The following RCAN2 variants were observed in gnomAD, a reference collection of about 807,000 sequenced individuals.
RCAN2 encodes regulator of calcineurin 2.
Under a neutral mutation model 23.6 loss-of-function variants are expected in RCAN2, and 9 were observed. That is an observed-to-expected ratio of 0.38 (90% CI 0.23 to 0.67). The LOEUF (loss-of-function observed/expected upper bound fraction) is 0.67, where lower values mean the gene tolerates loss of function less well. Among genes scored for constraint, RCAN2 ranks in the 30% least tolerant of loss-of-function variants. The pLI is 0.51. For missense variants in RCAN2, 273 were observed against 302.3 expected (o/e 0.90, Z 0.72); for synonymous variants, 109 against 115.7 (o/e 0.94, Z 0.37).
chr6:46,227,088 T>C (rs1200193195), intron 4 of RCAN2, among the ~76,000 whole-genome samples: 1 of 152,236 alleles, frequency 6.6e-6, no homozygotes, highest in Admixed American at 6.5e-5. Context: ...ATGGATTATG[T>C]TTATTGATTT....
intron 2 of RCAN2, among the ~76,000 whole-genome samples, chr6:46,285,546 C>T (rs1341279119): frequency 6.6e-6 from 1 of 152,184 alleles, no homozygotes; most frequent in African/African-American, 2.4e-5. Flanking sequence ...AGAAAGACCT[C>T]TCTAGTAGGT....
chr6:46,361,251 A>T, intron 2 of RCAN2, among the ~76,000 whole-genome samples: 1 of 152,290 alleles, frequency 6.6e-6, no homozygotes, highest in East Asian at 1.9e-4. Context: ...ATGTAATGAG[A>T]CCAGAAATCA....
At chr6:46,354,523 T>G (rs912970023) in intron 2 of RCAN2, among the ~76,000 whole-genome samples, 8 of 152,184 alleles carry the variant, frequency 5.3e-5, no homozygotes, top group African/African-American at 1.9e-4. Flanking sequence ...TGTATTGCCT[T>G]TGCAACTTCC....
At chr6:46,341,269 C>G (rs1472216997) in intron 2 of RCAN2, among the ~76,000 whole-genome samples, 1 of 152,146 alleles carries the variant, frequency 6.6e-6, no homozygotes, top group African/African-American at 2.4e-5. Context: ...CTCTGTATTT[C>G]TAAGCACTTG....
chr6:46,405,107 C>T (rs908161038), intron 2 of RCAN2, among the ~76,000 whole-genome samples: 21 of 152,144 alleles, frequency 1.4e-4, no homozygotes, highest in Admixed American at 1.3e-3. Flanking sequence ...CGGACCCTCG[C>T]GGTGAGTGTT....
At chr6:46,488,482 T>C (rs1582241797) in intron 1 of RCAN2, among the ~76,000 whole-genome samples, 1 of 152,212 alleles carries the variant, frequency 6.6e-6, no homozygotes. Flanking sequence ...ATACTACCAC[T>C]TTTGGGGATA....
intron 1 of RCAN2, among the ~76,000 whole-genome samples, chr6:46,476,972 T>G (rs1440668990): frequency 6.6e-6 from 1 of 152,156 alleles, no homozygotes; most frequent in Non-Finnish European, 1.5e-5. Flanking sequence ...TAATCAATCA[T>G]ACCTGAATGA....
rs181918828 is a variant in RCAN2 at position 46,309,154 on chromosome 6, A to G, written c.226-60258T>C. 1.7e-3 allele frequency among the ~76,000 whole-genome samples: 262 copies of G among 152,336 alleles called. 1 individual carries two copies. Among genetic ancestry groups the G allele is most frequent in the Middle Eastern group, 6.8e-3 (2 of 294 alleles). Reference sequence around the variant, plus strand: ...AGGAGGTAATGATGATATAGTCCACAAAGATTATCTAAAATGTTTTCTCAC... The same window carrying G: ...AGGAGGTAATGATGATATAGTCCACGAAGATTATCTAAAATGTTTTCTCAC... On this transcript the variant is annotated intron_variant, in intron 2 of 4. Transcript: ENST00000371374.
intron 2 of RCAN2, among the ~76,000 whole-genome samples, chr6:46,318,584 G>A (rs1324204550): frequency 1.3e-5 from 2 of 151,994 alleles, no homozygotes; most frequent in Admixed American, 6.5e-5. Flanking sequence ...CAACTCACTT[G>A]CCAAGAATCT....
chr6:46,267,403 C>G (rs4714912), intron 2 of RCAN2, among the ~76,000 whole-genome samples: 119,220 of 152,148 alleles, frequency 0.78, 47,044 homozygotes, highest in Non-Finnish European at 0.83. Flanking sequence ...TAAAGAGGGT[C>G]GGTATGGTGG....
At chr6:46,440,027 T>C (rs1767487585) in intron 2 of RCAN2, among the ~76,000 whole-genome samples, 1 of 152,194 alleles carries the variant, frequency 6.6e-6, no homozygotes, top group African/African-American at 2.4e-5. Context: ...AAAAGTAATC[T>C]ATTTGAGGGA....
intron 1 of RCAN2, among the ~76,000 whole-genome samples, chr6:46,466,037 T>C (rs1425656191): frequency 6.6e-6 from 1 of 152,094 alleles, no homozygotes; most frequent in Non-Finnish European, 1.5e-5. Flanking sequence ...CTGTATATAG[T>C]AGAGAATGCC....
chr6:46,392,196 A>G (rs1475374496), intron 2 of RCAN2, among the ~76,000 whole-genome samples: 2 of 152,214 alleles, frequency 1.3e-5, no homozygotes, highest in Admixed American at 6.5e-5. Context: ...GGCCAAGCCC[A>G]TCTTTAGTTT....
chr6:46,479,823 T>C (rs1354219698), intron 1 of RCAN2, among the ~76,000 whole-genome samples: 1 of 152,100 alleles, frequency 6.6e-6, no homozygotes, highest in African/African-American at 2.4e-5. Context: ...CCTCATGATC[T>C]GCCCATCTCA....
chr6:46,441,105 C>T (rs964625644), intron 2 of RCAN2, among the ~76,000 whole-genome samples: 6 of 152,024 alleles, frequency 3.9e-5, no homozygotes, highest in African/African-American at 1.4e-4. Context: ...AGATCTGGGT[C>T]GCAGGGAGGG....
At chr6:46,412,532 A>G (rs1766576679) in intron 2 of RCAN2, among the ~76,000 whole-genome samples, 1 of 152,194 alleles carries the variant, frequency 6.6e-6, no homozygotes, top group African/African-American at 2.4e-5. Flanking sequence ...GGGCACTCCA[A>G]ATTTAGCAGA....
chr6:46,371,694 G>A (rs1765322451), intron 2 of RCAN2, among the ~76,000 whole-genome samples: 1 of 152,210 alleles, frequency 6.6e-6, no homozygotes, highest in Admixed American at 6.5e-5. Context: ...GAGGATTACT[G>A]TTCCACTAAT....
At chr6:46,295,154 G>A (rs1762683814) in intron 2 of RCAN2, among the ~76,000 whole-genome samples, 1 of 152,114 alleles carries the variant, frequency 6.6e-6, no homozygotes, top group Non-Finnish European at 1.5e-5. Context: ...AAGTTGATCT[G>A]AGGTAATGAA....
chr6:46,236,735 A>G (rs1766114135), intron 4 of RCAN2, among the ~76,000 whole-genome samples: 1 of 152,204 alleles, frequency 6.6e-6, no homozygotes, highest in African/African-American at 2.4e-5. Flanking sequence ...TAGCTTTTCA[A>G]CTAAGTGGAA....
Sources: allele counts gnomAD v4.1 joint callset (sites outside exome capture counted in the v4.1 genomes callset), GRCh38; gene constraint gnomAD v4.1.1; transcripts MANE v1.5; gene names NCBI Gene and HGNC (gene_info 2026-07-23, HGNC 2026-07-21).